Variants in DSCAM observed in about 807,000 individuals in gnomAD.
The protein encoded by DSCAM is cell adhesion molecule DSCAM.
DSCAM carries 47 observed loss-of-function variants against 217.7 expected under a neutral mutation model. The observed-to-expected ratio is 0.22, with a 90% CI of 0.17 to 0.28. The LOEUF is 0.28. DSCAM is among the 10% of genes least tolerant of loss of function. DSCAM has a pLI of 1.00. For synonymous variants in DSCAM, 1,056 were observed against 1,015.3 expected, an observed-to-expected ratio of 1.04 and a Z score of -0.76; for missense variants, 2,080 against 2,618.3, an observed-to-expected ratio of 0.79 and a Z score of 4.49.
Position 40,016,157 on chromosome 21 carries a change from T to C in DSCAM, c.5687-2771A>G, listed in dbSNP as rs62235573. On this transcript the variant is annotated intron_variant, in intron 32 of 32. Transcript: ENST00000400454. The surrounding 1 kb of genome is among the most constrained non-coding windows in gnomAD (Gnocchi z 4.3). ...TAAAGGATGTGCAGGGAGAGAGATA[T>C]GATGATGGTCTGAGCTCAGGAGCAG... Among the ~76,000 whole-genome samples the C allele has an allele frequency of 0.034, 5,209 of 152,072 alleles. 139 individuals are homozygous for C. Among genetic ancestry groups the C allele is most frequent in the East Asian group, 0.14 (730 of 5,150 alleles).
At chr21:40,117,021 A>C (rs1421595160) in intron 20 of DSCAM, among the ~76,000 whole-genome samples, 2 of 151,106 alleles carry the variant, frequency 1.3e-5, no homozygotes, top group Admixed American at 1.3e-4. Context: ...AAAAAAAAAA[A>C]AAAAAAAGAT....
intron 8 of DSCAM, among the ~76,000 whole-genome samples, chr21:40,313,868 A>G (rs2074167617): frequency 6.6e-6 from 1 of 152,216 alleles, no homozygotes; most frequent in South Asian, 2.1e-4. Context: ...AATCTAATAT[A>G]AACCAATTAT....
chr21:40,817,876 C>T (rs551258158), intron 1 of DSCAM, among the ~76,000 whole-genome samples: 1,703 of 150,828 alleles, frequency 0.011, 17 homozygotes, highest in Middle Eastern at 0.028. Context: ...GCGGGTGGAT[C>T]ATGAGGTCAG....
chr21:40,074,523 T>C (rs2089337223), intron 27 of DSCAM, among the ~76,000 whole-genome samples: 1 of 152,210 alleles, frequency 6.6e-6, no homozygotes, highest in Non-Finnish European at 1.5e-5. Context: ...TTCTCCAGCC[T>C]TCATTATGTT....
At chr21:40,044,339 G>A (rs1438316520) in intron 30 of DSCAM, 64 bp from the exon 31 acceptor site, 12 of 1,512,414 alleles carry the variant, frequency 7.9e-6, no homozygotes, top group South Asian at 5.0e-5. Flanking sequence ...GAGAGCAAGC[G>A]TAGAGGTCAG....
At chr21:40,245,113 A>T (rs2073205488) in intron 11 of DSCAM, among the ~76,000 whole-genome samples, 1 of 152,228 alleles carries the variant, frequency 6.6e-6, no homozygotes, top group Non-Finnish European at 1.5e-5. Flanking sequence ...TGTGAGAGAA[A>T]ATAAACAAAG....
intron 11 of DSCAM, among the ~76,000 whole-genome samples, chr21:40,251,367 G>A (rs1220909244): frequency 6.6e-6 from 1 of 152,142 alleles, no homozygotes; most frequent in Non-Finnish European, 1.5e-5. Context: ...AAAAAAATAG[G>A]CCACAAGGAG....
chr21:40,267,313 A>C (rs1025958330), intron 11 of DSCAM, among the ~76,000 whole-genome samples: 6 of 152,150 alleles, frequency 3.9e-5, no homozygotes, highest in African/African-American at 9.7e-5. Flanking sequence ...ATTATGAACA[A>C]TTAGTAAATA....
At position 40,738,114 on chromosome 21, in the gene DSCAM, C is replaced by A. The variant is rs1004258579; in HGVS notation, c.44-29343G>T. ...AGAGAAGGGTCTGCTCTGTTATGTA[C>A]CCCCTCCCCGTAAGTAGCAATAGTT... On this transcript the variant is annotated intron_variant, in intron 1 of 32. Transcript: ENST00000400454. Among the ~76,000 whole-genome samples, 4 of 152,136 alleles carry A rather than the reference C, an allele frequency of 2.6e-5. No homozygotes were observed. The East Asian group carries it at 5.8e-4, about 22-fold the overall frequency.
chr21:40,227,610 C>G (rs927907930), intron 11 of DSCAM, among the ~76,000 whole-genome samples: 2 of 152,088 alleles, frequency 1.3e-5, no homozygotes, highest in African/African-American at 4.8e-5. Context: ...AGAGTACCAC[C>G]CCTTTCCCCC....
At chr21:40,511,946 G>C (rs1322295549) in intron 3 of DSCAM, among the ~76,000 whole-genome samples, 1 of 128,008 alleles carries the variant, frequency 7.8e-6, no homozygotes, top group Non-Finnish European at 1.6e-5. Context: ...AGCCGAGATC[G>C]CGCCACTGCA....
intron 11 of DSCAM, among the ~76,000 whole-genome samples, chr21:40,212,194 T>C (rs2095901668): frequency 6.6e-6 from 1 of 151,972 alleles, no homozygotes. Flanking sequence ...GATCTCGAAT[T>C]CCTGACCTCA....
At chr21:40,434,620 G>A (rs1163640811) in intron 3 of DSCAM, among the ~76,000 whole-genome samples, 1 of 152,102 alleles carries the variant, frequency 6.6e-6, no homozygotes, top group Non-Finnish European at 1.5e-5. Context: ...AGGCCATCAG[G>A]TGGAAATAAT....
chr21:40,243,299 T>C (rs1601476851), intron 11 of DSCAM, among the ~76,000 whole-genome samples: 1 of 152,168 alleles, frequency 6.6e-6, no homozygotes. Context: ...AAAATTTCAG[T>C]CTTTGTGGGA....
In DSCAM at chr21:40,132,816, C is replaced by T. The variant is rs373494628; in HGVS notation, c.3562+1038G>A. The stretch of plus-strand genomic sequence containing the variant: ...CCCCTGAGCAGGTGTTCTTTGCTTC[C>T]ATCAGAGCAGATATGGGATGGAATA... On this transcript the variant is annotated intron_variant, in intron 19 of 32. Transcript: ENST00000400454. 9.9e-5 allele frequency among the ~76,000 whole-genome samples: 15 copies of T among 152,262 alleles called. No individual in the cohort carries two copies. In the East Asian group the frequency reaches 2.1e-3, roughly 22 times the overall value.
intron 31 of DSCAM, 48 bp downstream of exon 31, chr21:40,044,030 G>A (rs2088801813): frequency 6.2e-7 from 1 of 1,601,444 alleles, no homozygotes; most frequent in Admixed American, 1.7e-5. Context: ...TCAAGGTGCG[G>A]GGGCCGTGCT....
At chr21:40,670,722 T>C (rs775564229) in intron 3 of DSCAM, among the ~76,000 whole-genome samples, 2 of 152,218 alleles carry the variant, frequency 1.3e-5, no homozygotes, top group African/African-American at 2.4e-5. Flanking sequence ...ACATTTGCAT[T>C]ACTCATTCAT....
intron 11 of DSCAM, among the ~76,000 whole-genome samples, chr21:40,234,296 G>C (rs2091406846): frequency 6.6e-6 from 1 of 152,222 alleles, no homozygotes; most frequent in South Asian, 2.1e-4. Flanking sequence ...GTACAGAACA[G>C]TTCTGCAACT....
chr21:40,439,048 A>C (rs1398383257), intron 3 of DSCAM, among the ~76,000 whole-genome samples: 1 of 152,188 alleles, frequency 6.6e-6, no homozygotes, highest in Non-Finnish European at 1.5e-5. Flanking sequence ...CATAGGTGCA[A>C]GCAACATCCC....
Sources: allele counts gnomAD v4.1 joint callset (sites outside exome capture counted in the v4.1 genomes callset), GRCh38; gene constraint gnomAD v4.1.1; non-coding constraint Gnocchi (gnomAD v3.1); transcripts MANE v1.5; gene names NCBI Gene and HGNC (gene_info 2026-07-23, HGNC 2026-07-21).